Variants in UNG observed in about 807,000 individuals in gnomAD.
The protein encoded by UNG is uracil-DNA glycosylase.
In UNG, 34 loss-of-function variants were observed where a neutral mutation model predicts 36.5. The observed-to-expected ratio is 0.93, with a 90% confidence interval of 0.71 to 1.24. The LOEUF is 1.24. Among genes scored for constraint, UNG ranks in the 50% most tolerant of loss-of-function variants. The pLI, the probability that UNG is intolerant of heterozygous loss-of-function variation, is 0.00. For missense variants in UNG, 391 were observed against 397.6 expected, an observed-to-expected ratio of 0.98 and a Z score of 0.14; for synonymous variants, 172 against 157.8, an observed-to-expected ratio of 1.09 and a Z score of -0.67.
Position 109,104,100 on chromosome 12 carries a change from G to A in UNG, c.801+489G>A, listed in dbSNP as rs111970533. Among the ~76,000 whole-genome samples the A allele has an allele frequency of 1.7e-3, 257 of 148,680 alleles. 1 individual carries two copies. The highest frequency in any genetic ancestry group is 6.1e-3 in the African/African-American group (239 of 39,482). On this transcript the variant is annotated intron_variant, in intron 6 of 6. Coordinates refer to ENST00000242576, the MANE Select transcript of UNG (RefSeq NM_080911.3). ...GTCTCGCTCTGTTGCCCAGGCTGTA[G>A]TGCAGTGGTATGATTTTGGCTCACT...
At chr12:109,103,635 T>C (rs56146207) in intron 6 of UNG, 24 bp downstream of exon 6, 213 of 1,481,792 alleles carry the variant, frequency 1.4e-4, no homozygotes, top group Non-Finnish European at 1.8e-4. Context: ...TCTTTCTTTT[T>C]TTTCTTTTTT....
In UNG at chr12:109,103,544, A is replaced by G. The variant is rs759463984; in HGVS notation, c.734A>G (p.Asn245Ser). The change falls in exon 6 of 7, where the codon AAC becomes AGC. Residue 245 changes from asparagine to serine, a missense_variant. Physicochemically the swap from Asn to Ser is conservative, Grantham distance 46. Transcript: ENST00000242576. Reference sequence around the variant, plus strand: ...GCAGTTGTGTCCTGGCTAAATCAGAACTCGAATGGCCTTGTTTTCTTGCTC... The same window carrying G: ...GCAGTTGTGTCCTGGCTAAATCAGAGCTCGAATGGCCTTGTTTTCTTGCTC... ...TDAVVSWLNQ[N>S]SNGLVFLLWG... 1 of 1,614,142 alleles carries G rather than the reference A, an allele frequency of 6.2e-7. No homozygotes were observed. The highest frequency in any genetic ancestry group is 8.5e-7 in the Non-Finnish European group (1 of 1,180,036).
chr12:109,098,376 C>T (rs1275739269), intron 1 of UNG, 56 bp from the exon 2 acceptor site: 1 of 1,602,006 alleles, frequency 6.2e-7, no homozygotes, highest in Non-Finnish European at 8.5e-7. Context: ...AAGCTGCGGA[C>T]GCCTGGGAAG....
rs1033323157 is a variant in UNG at position 109,098,449 on chromosome 12, G to C, written c.150G>C (p.Lys50Asn). 6.2e-7 allele frequency: 1 copy of C among 1,609,872 alleles called. No individual in the cohort carries two copies. The highest frequency in any genetic ancestry group is 2.2e-5 in the East Asian group (1 of 44,830). ...SGDAAAIPAK[K>N]APAGQEEPGT... ...ACTTGCAGGCCATCCCAGCCAAGAA[G>C]GCCCCGGCTGGGCAGGAGGAGCCTG... is the stretch of plus-strand genomic sequence containing the variant. The change falls in exon 2 of 7, where the codon AAG (lysine) becomes AAC (asparagine). Residue 50 changes from lysine to asparagine, a missense_variant. By Grantham distance (94) the Lys-to-Asn change is moderately conservative. Coordinates refer to ENST00000242576, the MANE Select transcript of UNG (RefSeq NM_080911.3).
intron 3 of UNG, among the ~76,000 whole-genome samples, chr12:109,099,815 G>C (rs1274195943): frequency 4.6e-5 from 7 of 152,184 alleles, no homozygotes; most frequent in Non-Finnish European, 7.3e-5. Context: ...GGTGGCTCAT[G>C]CCTGTAATCC....
At chr12:109,102,102 TGGA>T in intron 4 of UNG, 103 bp downstream of exon 4, 4 of 1,048,180 alleles carry the variant, frequency 3.8e-6, no homozygotes, top group South Asian at 1.3e-5. Context: ...TCACTAGCCT[TGGA>T]GGAGGATTTC....
chr12:109,103,285 T>C, intron 5 of UNG, 148 bp from the exon 6 acceptor site: 2 of 796,348 alleles, frequency 2.5e-6, no homozygotes, highest in African/African-American at 1.7e-5. Flanking sequence ...TAGTGGCTGC[T>C]GCCATTATGC....
Position 109,102,659 on chromosome 12 carries a change from G to A in UNG, c.534-180G>A, listed in dbSNP as rs1431474316. Among the ~76,000 whole-genome samples the A allele has an allele frequency of 2.0e-5, 3 of 152,174 alleles. No homozygotes were observed. The East Asian group carries it at 5.8e-4, about 29-fold the overall frequency. On this transcript the variant is annotated intron_variant, in intron 4 of 6. Coordinates refer to ENST00000242576, the MANE Select transcript of UNG (RefSeq NM_080911.3). Reference sequence around the variant, plus strand: ...GACTAAAGTAAAGGTCTTTGGCAGAGTCACCTGTTAGAAGGAGGACTGGCA... The same window carrying A: ...GACTAAAGTAAAGGTCTTTGGCAGAATCACCTGTTAGAAGGAGGACTGGCA...
chr12:109,103,687 C>T (rs2042196642), intron 6 of UNG, 76 bp downstream of exon 6: 2 of 1,464,798 alleles, frequency 1.4e-6, no homozygotes, highest in African/African-American at 1.4e-5. Context: ...CTAGGAGTCC[C>T]TGCTGTGTTT....
chr12:109,110,152 C>G lies in UNG; in HGVS notation c.*183C>G. On this transcript the variant is annotated 3_prime_UTR_variant, in exon 7 of 7. Transcript: ENST00000242576. ...TGTATCCAACCACAAACAACAAAGG[C>G]TACCCTTTGACCAAATGTCTTTCTC... 1 of 740,048 alleles carries G rather than the reference C, an allele frequency of 1.4e-6. No individual in the cohort carries two copies. The highest frequency in any genetic ancestry group is 2.2e-6 in the Non-Finnish European group (1 of 453,680). The allele number at this position is 740,048 out of a possible 1,614,324, so 45.8% of individuals were successfully genotyped here.
At chr12:109,098,129 T>A (rs1593318356) in intron 1 of UNG, 1 of 1,305,934 alleles carries the variant, frequency 7.7e-7, no homozygotes, top group Non-Finnish European at 9.7e-7. Flanking sequence ...AAAGACCACG[T>A]GGGGACGCGG....
chr12:109,110,038 A>G lies in UNG; in HGVS notation c.*69A>G, dbSNP rs2042249663. The G allele has an allele frequency of 6.2e-7, 1 of 1,608,252 alleles. No individual in the cohort carries two copies. Among genetic ancestry groups the G allele is most frequent in the African/African-American group, 1.3e-5 (1 of 74,096 alleles). The stretch of plus-strand genomic sequence containing the variant: ...TTTGCCAGTTACGAAGTTCCACTGA[A>G]AATTTTCCTATTAATTCTTAAGTAC... On this transcript the variant is annotated 3_prime_UTR_variant, in exon 7 of 7. Transcript: ENST00000242576.
In UNG at chr12:109,098,499, G is replaced by A. The variant is rs755887246; in HGVS notation, c.200G>A (p.Ser67Asn). Residue 67 changes from serine (S) to asparagine (N), a missense_variant, in exon 2 of 7, where the codon AGT (serine) becomes AAT (asparagine). Coordinates refer to ENST00000242576, the MANE Select transcript of UNG (RefSeq NM_080911.3). ...EPGTPPSSPL[S>N]AEQLDRIQRN... ...GGGACGCCGCCCTCCTCGCCGCTGAGTGCCGAGCAGTTGGACCGGATCCAG... is the reference window on the plus strand; with the variant it reads ...GGGACGCCGCCCTCCTCGCCGCTGAATGCCGAGCAGTTGGACCGGATCCAG... 1 of 1,612,814 alleles carries A rather than the reference G, an allele frequency of 6.2e-7. No individual in the cohort carries two copies. Among genetic ancestry groups the A allele is most frequent in the East Asian group, 2.2e-5 (1 of 44,880 alleles).
Position 109,102,922 on chromosome 12 carries a change from A to G in UNG, c.617A>G (p.Lys206Arg). The G allele has an allele frequency of 6.2e-7, 1 of 1,604,518 alleles. No homozygotes were observed. Among genetic ancestry groups the G allele is most frequent in the Non-Finnish European group, 8.5e-7 (1 of 1,172,572 alleles). Residue 206 changes from lysine to arginine, a missense_variant, in exon 5 of 7, where the codon AAG becomes AGG. Physicochemically the swap from Lys to Arg is conservative, Grantham distance 26. Coordinates refer to ENST00000242576, the MANE Select transcript of UNG (RefSeq NM_080911.3). ...CATGGAGATTTATCTGGGTGGGCCAAGCAAGGTAAGCCAGCGACTGCTAGA... is the reference window on the plus strand; with the variant it reads ...CATGGAGATTTATCTGGGTGGGCCAGGCAAGGTAAGCCAGCGACTGCTAGA... ...PGHGDLSGWA[K>R]QGVLLLNAVL...
At chr12:109,105,267 G>A (rs1234962577) in intron 6 of UNG, 1 of 152,182 alleles carries the variant, frequency 6.6e-6, no homozygotes, top group Non-Finnish European at 1.5e-5. Context: ...AGGCTTTGAG[G>A]TAGGCATACA....
chr12:109,102,717 C>T (rs1313435408), intron 4 of UNG, 122 bp from the exon 5 acceptor site: 1 of 749,398 alleles, frequency 1.3e-6, no homozygotes, highest in Non-Finnish European at 2.3e-6. Flanking sequence ...CCATATGTGC[C>T]AGTGTCCCTT....
chr12:109,104,287 G>A (rs542963349), intron 6 of UNG, among the ~76,000 whole-genome samples: 5 of 151,840 alleles, frequency 3.3e-5, no homozygotes, highest in African/African-American at 1.2e-4. Flanking sequence ...GACCTCAAGC[G>A]ATCTGTCCTC....
intron 6 of UNG, among the ~76,000 whole-genome samples, chr12:109,104,546 T>C (rs780930109): frequency 6.6e-6 from 1 of 152,108 alleles, no homozygotes; most frequent in Non-Finnish European, 1.5e-5. Flanking sequence ...GTAAATCCCA[T>C]CAACTCTGCC....
At chr12:109,106,683 G>C (rs1472416979) in intron 6 of UNG, among the ~76,000 whole-genome samples, 1 of 150,434 alleles carries the variant, frequency 6.6e-6, no homozygotes, top group African/African-American at 2.4e-5. Context: ...TGGATTGTCT[G>C]AGCTCAGGAG....
Sources: allele counts gnomAD v4.1 joint callset (sites outside exome capture counted in the v4.1 genomes callset), GRCh38; gene constraint gnomAD v4.1.1; transcripts MANE v1.5; gene names NCBI Gene and HGNC (gene_info 2026-07-23, HGNC 2026-07-21).